The following DOP1B variants were observed in gnomAD, a reference collection of about 807,000 sequenced individuals.
The protein encoded by DOP1B is protein DOP1B.
In DOP1B, 174 loss-of-function variants were observed where a neutral mutation model predicts 233.5. That is an observed-to-expected ratio of 0.75 (90% CI 0.66 to 0.85). DOP1B has a LOEUF of 0.85. Among genes scored for constraint, DOP1B ranks in the 40% least tolerant of loss-of-function variants. The pLI is 0.00. For missense variants in DOP1B, 2,652 were observed against 2,846.6 expected (o/e 0.93, Z 1.56); for synonymous variants, 1,190 against 1,185.6 (o/e 1.00, Z -0.08).
intron 5 of DOP1B, among the ~76,000 whole-genome samples, chr21:36,211,258 G>A (rs1253228243): frequency 6.6e-6 from 1 of 152,152 alleles, no homozygotes; most frequent in African/African-American, 2.4e-5. Context: ...TTAGTTTAAG[G>A]TTCCTGTTGG....
Position 36,245,998 on chromosome 21 carries a change from G to A in DOP1B, c.4018G>A (p.Gly1340Ser), listed in dbSNP as rs548005772. The change falls in exon 19 of 37, where the codon GGC becomes AGC. Residue 1340 changes from glycine (G) to serine (S), a missense_variant. Physicochemically the swap from Gly to Ser is moderately conservative, Grantham distance 56. Around this residue, in one of 3 missense-constraint regions of DOP1B, gnomAD observed 2,617 missense variants for 2,794.3 expected, o/e 0.94. Coordinates refer to ENST00000691173, the MANE Select transcript of DOP1B (RefSeq NM_001320714.2). The surrounding 1 kb of genome is among the most constrained non-coding windows in gnomAD (Gnocchi z 5.5). ...GAAGGTCTCGCACCGAGACATTCTCGGCAACCGGGACGTGCAGGTCAAAAG... is the reference window on the plus strand; with the variant it reads ...GAAGGTCTCGCACCGAGACATTCTCAGCAACCGGGACGTGCAGGTCAAAAG... ...YLKVSHRDILGNRDVQVKSVE... is the reference protein window; with the variant it reads ...YLKVSHRDILSNRDVQVKSVE... The A allele has an allele frequency of 1.2e-5, 19 of 1,613,930 alleles. No individual in the cohort carries two copies. Among genetic ancestry groups the A allele is most frequent in the Admixed American group, 3.3e-5 (2 of 59,990 alleles).
At chr21:36,227,318 T>C (rs992067491) in intron 12 of DOP1B, among the ~76,000 whole-genome samples, 53 of 151,972 alleles carry the variant, frequency 3.5e-4, no homozygotes, top group East Asian at 1.2e-3. Context: ...GAGGCCAAGG[T>C]GGATGGATCA....
At chr21:36,170,949 C>T (rs1351336697) in intron 2 of DOP1B, among the ~76,000 whole-genome samples, 3 of 152,182 alleles carry the variant, frequency 2.0e-5, no homozygotes, top group Admixed American at 6.6e-5. Context: ...TTGCAAGATA[C>T]GGTTGGGACA....
chr21:36,213,741 T>C (rs531747335), intron 7 of DOP1B, among the ~76,000 whole-genome samples: 1 of 151,018 alleles, frequency 6.6e-6, no homozygotes, highest in Admixed American at 6.7e-5. Context: ...GGTTTCATCA[T>C]GTTGGCCACG....
Position 36,217,274 on chromosome 21 carries a change from G to C in DOP1B, c.1130-2098G>C, listed in dbSNP as rs184259599. Among the ~76,000 whole-genome samples the C allele has an allele frequency of 6.5e-4, 99 of 152,274 alleles. 1 individual carries two copies. The highest frequency in any genetic ancestry group is 5.7e-3 in the Admixed American group (87 of 15,290). On this transcript the variant is annotated intron_variant, in intron 9 of 36. Transcript: ENST00000691173. Reference sequence around the variant, plus strand: ...GAAGGGGAGACTCCATGTTCCTGGAGTGTTTTTACTGTTCATTAATAATAA... The same window carrying C: ...GAAGGGGAGACTCCATGTTCCTGGACTGTTTTTACTGTTCATTAATAATAA...
intron 13 of DOP1B, among the ~76,000 whole-genome samples, chr21:36,229,365 T>C (rs575922769): frequency 6.6e-6 from 1 of 152,288 alleles, no homozygotes. Context: ...GGTGGTTTGC[T>C]GGCAATATTC....
chr21:36,237,211 T>A (rs1284228378), intron 15 of DOP1B, 51 bp from the exon 16 acceptor site: 1 of 1,612,008 alleles, frequency 6.2e-7, no homozygotes. Context: ...TGTGAGCGGA[T>A]GTTGCCTGTG....
rs769078821 is a variant in DOP1B, at chr21:36,231,078, T to C, written c.2294T>C (p.Val765Ala). Residue 765 changes from valine to alanine, a missense_variant, in exon 14 of 37, where the codon GTC (valine) becomes GCC (alanine). Transcript: ENST00000691173. ...HLLLDCATFPVYLSEEETEQL... is the reference protein window; with the variant it reads ...HLLLDCATFPAYLSEEETEQL... Reference sequence around the variant, plus strand: ...CTGCTGGATTGTGCCACTTTCCCTGTCTACCTGTCCGAGGAAGAGACCGAG... The same window carrying C: ...CTGCTGGATTGTGCCACTTTCCCTGCCTACCTGTCCGAGGAAGAGACCGAG... The C allele has an allele frequency of 3.6e-5, 58 of 1,613,324 alleles. No homozygotes were observed. In the Admixed American group the frequency reaches 9.5e-4, roughly 26 times the overall value.
chr21:36,288,876 A>T, intron 34 of DOP1B, 65 bp downstream of exon 34: 1 of 1,491,426 alleles, frequency 6.7e-7, no homozygotes, highest in Non-Finnish European at 9.3e-7. Context: ...GTCACTTTAG[A>T]TATAGAGTTG....
chr21:36,169,587 C>A, intron 2 of DOP1B: 4 of 1,031,936 alleles, frequency 3.9e-6, no homozygotes, highest in South Asian at 1.3e-5. Flanking sequence ...TGTAGCCCCT[C>A]CTGGGCTCAG....
chr21:36,246,349 C>A lies in DOP1B; in HGVS notation c.4369C>A (p.Arg1457=), dbSNP rs567919644. 1.2e-6 allele frequency: 2 copies of A among 1,613,648 alleles called. No individual in the cohort carries two copies. The highest frequency in any genetic ancestry group is 2.2e-5 in the South Asian group (2 of 91,046). Reference sequence around the variant, plus strand: ...GATTGTCTTGGAACACCACCTGGGTCGGGCCCATGAGGAGGCGGAAAACCA... The same window carrying A: ...GATTGTCTTGGAACACCACCTGGGTAGGGCCCATGAGGAGGCGGAAAACCA... ...VLIVLEHHLG[R]AHEEAENQPD... is the part of the protein sequence containing the mutation. The change falls in exon 19 of 37, where the codon CGG becomes AGG. Residue 1457 remains arginine (R), a synonymous_variant. Coordinates refer to ENST00000691173, the MANE Select transcript of DOP1B (RefSeq NM_001320714.2). The surrounding 1 kb of genome is among the most constrained non-coding windows in gnomAD (Gnocchi z 5.1).
At chr21:36,196,027 C>T (rs900012981) in intron 2 of DOP1B, among the ~76,000 whole-genome samples, 6 of 152,218 alleles carry the variant, frequency 3.9e-5, no homozygotes, top group African/African-American at 7.2e-5. Context: ...GTCACGTTGC[C>T]GTGCCTATAC....
intron 18 of DOP1B, among the ~76,000 whole-genome samples, chr21:36,244,019 C>CTTTT (rs35020490): frequency 0.022 from 1,550 of 70,666 alleles, 97 homozygotes; most frequent in African/African-American, 0.073. Flanking sequence ...TTTTCCTTTC[C>CTTTT]TTTTTTTTTT....
intron 23 of DOP1B, among the ~76,000 whole-genome samples, chr21:36,259,953 G>A (rs1185650925): frequency 6.6e-6 from 1 of 152,070 alleles, no homozygotes; most frequent in African/African-American, 2.4e-5. Flanking sequence ...AGTAGTTCCA[G>A]CCACAGGGTT....
At chr21:36,207,680 GC>G (rs1032267171) in intron 4 of DOP1B, among the ~76,000 whole-genome samples, 7 of 152,096 alleles carry the variant, frequency 4.6e-5, no homozygotes, top group African/African-American at 1.4e-4. Flanking sequence ...GCCAACTCTG[GC>G]AAGCTCTGTG....
At position 36,290,323 on chromosome 21, in the gene DOP1B, G is replaced by A. The variant is rs376451465; in HGVS notation, c.6515+1117G>A. Among the ~76,000 whole-genome samples, 11 of 152,044 alleles carry A rather than the reference G, an allele frequency of 7.2e-5. No individual in the cohort carries two copies. The East Asian group carries it at 7.7e-4, about 11-fold the overall frequency. On this transcript the variant is annotated intron_variant, in intron 35 of 36. Transcript: ENST00000691173. ...GTGGATCACCTGAGGTTGGGAGTTC[G>A]AGACCAGCCTGGCCAACATGGCGAA...
rs1462313154 is a variant in DOP1B, at chr21:36,231,084, TG to T, written c.2301del (p.Ser768ProfsTer27). 3.1e-6 allele frequency: 5 copies of T among 1,612,664 alleles called. No homozygotes were observed. The highest frequency in any genetic ancestry group is 4.2e-6 in the Non-Finnish European group (5 of 1,179,414). ...GATTGTGCCACTTTCCCTGTCTACC[TG>T]TCCGAGGAAGAGACCGAGCAGCTCT... is the stretch of plus-strand genomic sequence containing the variant. ...LLDCATFPVY[L>X]SEEETEQLCA... is the part of the protein sequence containing the mutation. On this transcript the variant is annotated frameshift_variant, in exon 14 of 37. Transcript: ENST00000691173. LOFTEE classifies it high-confidence loss of function.
chr21:36,171,252 C>T (rs559928236), intron 2 of DOP1B, among the ~76,000 whole-genome samples: 1 of 152,294 alleles, frequency 6.6e-6, no homozygotes, highest in South Asian at 2.1e-4. Flanking sequence ...TGCTTCTTTG[C>T]TGCCAGGGAC....
At chr21:36,287,290 A>C (rs1348384023) in intron 32 of DOP1B, among the ~76,000 whole-genome samples, 1 of 152,054 alleles carries the variant, frequency 6.6e-6, no homozygotes, top group Non-Finnish European at 1.5e-5. Context: ...CCACCCTCAA[A>C]ATATGGTGTT....
Sources: gnomAD v4.1 joint callset for allele counts (sites outside exome capture counted in the v4.1 genomes callset) on GRCh38, gnomAD v4.1.1 for gene constraint, gnomAD v4.1.1 regional missense constraint, Gnocchi (gnomAD v3.1) non-coding constraint, MANE v1.5 for transcripts, NCBI Gene and HGNC (gene_info 2026-07-23, HGNC 2026-07-21) for gene names.